Variants in ECPAS observed in about 807,000 individuals in gnomAD.
ECPAS encodes Ecm29 proteasome adaptor and scaffold.
ECPAS carries 70 observed loss-of-function variants against 255.1 expected under a neutral mutation model. That is an observed-to-expected ratio of 0.27 (90% CI 0.23 to 0.33). The LOEUF (loss-of-function observed/expected upper bound fraction) is 0.33. Ranked by LOEUF, ECPAS falls within the 10% of genes least tolerant of loss-of-function variation. The pLI, the probability that ECPAS is intolerant of heterozygous loss-of-function variation, is 1.00. For synonymous variants in ECPAS, 784 were observed against 775.0 expected, an observed-to-expected ratio of 1.01 and a Z score of -0.19; for missense variants, 1,817 against 2,206.4, an observed-to-expected ratio of 0.82 and a Z score of 3.54.
chr9:111,419,691 A>G (rs2098210227), intron 16 of ECPAS, among the ~76,000 whole-genome samples: 2 of 151,368 alleles, frequency 1.3e-5, no homozygotes, highest in South Asian at 4.1e-4. Context: ...TTTTAGATAT[A>G]TAATTATATT....
intron 24 of ECPAS, among the ~76,000 whole-genome samples, chr9:111,405,488 G>A (rs528262338): frequency 6.7e-6 from 1 of 149,780 alleles, no homozygotes; most frequent in South Asian, 2.1e-4. Flanking sequence ...ACTGGTCTGG[G>A]CATAGATTTC....
chr9:111,416,250 T>C (rs370383836), intron 18 of ECPAS, 22 bp downstream of exon 18: 4 of 1,573,948 alleles, frequency 2.5e-6, no homozygotes, highest in African/African-American at 1.3e-5. Flanking sequence ...AAAAAGTAAA[T>C]AGAAATATAT....
At chr9:111,438,193 C>A (rs2131882744) in intron 6 of ECPAS, among the ~76,000 whole-genome samples, 1 of 152,278 alleles carries the variant, frequency 6.6e-6, no homozygotes, top group South Asian at 2.1e-4. Context: ...GGTTTATCTA[C>A]CAAAGCCATC....
In ECPAS at chr9:111,378,743, G is replaced by A. The variant is rs1392265348; in HGVS notation, c.3804-13C>T. ...AAGGGTGTTAATGCTACAAACATATGGAACACAACTCCTGAGTCCTTTTAA... is the reference window on the plus strand; with the variant it reads ...AAGGGTGTTAATGCTACAAACATATAGAACACAACTCCTGAGTCCTTTTAA... On this transcript the variant is annotated splice_polypyrimidine_tract_variant and intron_variant, in intron 35 of 49. Coordinates refer to ENST00000684092, the MANE Select transcript of ECPAS (RefSeq NM_001364929.1). 2 of 1,597,698 alleles carry A rather than the reference G, an allele frequency of 1.3e-6. No individual in the cohort carries two copies. The highest frequency in any genetic ancestry group is 2.7e-5 in the African/African-American group (2 of 74,644).
chr9:111,441,504 CA>C (rs201708608), intron 5 of ECPAS, among the ~76,000 whole-genome samples: 21 of 142,796 alleles, frequency 1.5e-4, no homozygotes, highest in Non-Finnish European at 2.0e-4. Context: ...GACTCTGTCT[CA>C]AAAAAAAAAA....
Position 111,428,133 on chromosome 9 carries a change from C to CT in ECPAS, c.958dup (p.Arg320LysfsTer20). 1 of 1,612,492 alleles carries CT rather than the reference C, an allele frequency of 6.2e-7. No homozygotes were observed. The highest frequency in any genetic ancestry group is 8.5e-7 in the Non-Finnish European group (1 of 1,179,124). ...CTTGACTCTTGTACTGACAGGGTCCCTTTTCAACTCTGGCTTCAGAACTGC... is the reference window on the plus strand; with the variant it reads ...CTTGACTCTTGTACTGACAGGGTCCCTTTTTCAACTCTGGCTTCAGAACTGC... On this transcript the variant is annotated frameshift_variant, in exon 10 of 50. Transcript: ENST00000684092. LOFTEE classifies it high-confidence loss of function.
At chr9:111,400,085 G>A (rs1434052381) in intron 24 of ECPAS, among the ~76,000 whole-genome samples, 3 of 151,078 alleles carry the variant, frequency 2.0e-5, no homozygotes, top group Admixed American at 1.3e-4. Context: ...GGAGAGAGAG[G>A]GAAGAGAGCA....
intron 24 of ECPAS, among the ~76,000 whole-genome samples, chr9:111,400,440 G>A (rs149841162): frequency 7.9e-5 from 12 of 152,306 alleles, no homozygotes; most frequent in Non-Finnish European, 1.3e-4. Flanking sequence ...GACTAAGCAG[G>A]CACCAGTGAC....
rs759396227 is a variant in ECPAS, at chr9:111,425,823, C to T, written c.1056G>A (p.Val352=). 9.3e-6 allele frequency: 14 copies of T among 1,511,776 alleles called. No individual in the cohort carries two copies. The highest frequency in any genetic ancestry group is 1.2e-5 in the Non-Finnish European group (13 of 1,096,026). 93.6% of individuals were successfully genotyped at this position (1,511,776 alleles called of 1,614,324 possible). Residue 352 remains valine, a synonymous_variant, in exon 11 of 50, where the codon GTG becomes GTA. Transcript: ENST00000684092. ...TATTTGTACCAAAAAGTCCATCATA[C>T]ACCACCTATGTAAAATGAAGAGTTG... The part of the protein sequence containing the change: ...AETFPANIQV[V]YDGLFGTNTN...
intron 27 of ECPAS, 119 bp from the exon 28 acceptor site, chr9:111,393,001 T>C: frequency 1.6e-6 from 1 of 626,312 alleles, no homozygotes. Context: ...AGTAAAGATA[T>C]AAAAACAGAA....
chr9:111,425,264 G>A (rs2098219839), intron 12 of ECPAS, among the ~76,000 whole-genome samples, 154 bp downstream of exon 12: 1 of 151,740 alleles, frequency 6.6e-6, no homozygotes, highest in Non-Finnish European at 1.5e-5. Flanking sequence ...AAAAAGGGCA[G>A]TAATTTCTGA....
chr9:111,394,998 T>C (rs1028076723), intron 25 of ECPAS, among the ~76,000 whole-genome samples: 7 of 152,224 alleles, frequency 4.6e-5, no homozygotes, highest in African/African-American at 1.7e-4. Context: ...AAATTAGTCA[T>C]AGAAATCACG....
intron 26 of ECPAS, among the ~76,000 whole-genome samples, 155 bp from the exon 27 acceptor site, chr9:111,393,889 T>C (rs1436601989): frequency 1.3e-5 from 2 of 152,226 alleles, no homozygotes; most frequent in Non-Finnish European, 2.9e-5. Flanking sequence ...CCAAATCACC[T>C]GGAGCTGCAC....
chr9:111,473,764 TG>T (rs2098292535), intron 1 of ECPAS, among the ~76,000 whole-genome samples: 2 of 152,144 alleles, frequency 1.3e-5, no homozygotes, highest in Admixed American at 6.5e-5. Flanking sequence ...TACAGGAATT[TG>T]AGACCAGCCT....
chr9:111,379,095 T>C (rs1269505773), intron 35 of ECPAS, among the ~76,000 whole-genome samples: 1 of 152,222 alleles, frequency 6.6e-6, no homozygotes, highest in Non-Finnish European at 1.5e-5. Context: ...ATTTGACCAA[T>C]TTTGTTTCAT....
At chr9:111,409,212 ATACTG>A (rs1289206462) in intron 23 of ECPAS, among the ~76,000 whole-genome samples, 3 of 152,204 alleles carry the variant, frequency 2.0e-5, no homozygotes, top group Admixed American at 2.0e-4. Context: ...AATAAAAACT[ATACTG>A]TATATCTTCT....
At chr9:111,477,649 A>C (rs1162411565) in intron 1 of ECPAS, among the ~76,000 whole-genome samples, 1 of 152,200 alleles carries the variant, frequency 6.6e-6, no homozygotes, top group Non-Finnish European at 1.5e-5. Context: ...ATCTAAGTTC[A>C]AGTCCTAACT....
At position 111,453,309 on chromosome 9, in the gene ECPAS, TC is replaced by T. The variant is rs547217181; in HGVS notation, c.23-1755del. 3.6e-3 allele frequency among the ~76,000 whole-genome samples: 544 copies of T among 152,088 alleles called. 1 individual carries two copies. Among genetic ancestry groups the T allele is most frequent in the African/African-American group, 0.013 (525 of 41,478 alleles). ...ATACAGGAACCAACCTGAAAGAACGTCATTGCCCAAGCAATGACGATAGAAG... is the reference window on the plus strand; with the variant it reads ...ATACAGGAACCAACCTGAAAGAACGTATTGCCCAAGCAATGACGATAGAAG... On this transcript the variant is annotated intron_variant, in intron 2 of 49. Coordinates refer to ENST00000684092, the MANE Select transcript of ECPAS (RefSeq NM_001364929.1).
At chr9:111,461,054 GA>G (rs1044172980) in intron 2 of ECPAS, among the ~76,000 whole-genome samples, 159 of 147,426 alleles carry the variant, frequency 1.1e-3, no homozygotes, top group African/African-American at 3.7e-3. Flanking sequence ...ACCACTAGAA[GA>G]AAAAAAAAAG....
Sources: gnomAD v4.1 joint callset for allele counts (sites outside exome capture counted in the v4.1 genomes callset) on GRCh38, gnomAD v4.1.1 for gene constraint, MANE v1.5 for transcripts, NCBI Gene and HGNC (gene_info 2026-07-23, HGNC 2026-07-21) for gene names.